STS: variants seen among roughly 807,000 people sequenced by gnomAD.
STS encodes the protein steroid sulfatase, also known as steryl-sulfatase.
In STS, 7 loss-of-function variants were observed where a neutral mutation model predicts 26.8. The observed-to-expected ratio is 0.26, with a 90% CI of 0.15 to 0.49. STS has a LOEUF of 0.49. Ranked by LOEUF, STS falls within the 20% of genes least tolerant of loss-of-function variation. STS has a pLI of 0.98. For missense variants in STS, 434 were observed against 465.6 expected (o/e 0.93, Z 0.63); for synonymous variants, 199 against 189.4 (o/e 1.05, Z -0.42).
At chrX:7,310,224 C>T (rs1362662460) in intron 8 of STS, among the ~76,000 whole-genome samples, 1 of 112,100 alleles carries the variant, frequency 8.9e-6, no homozygotes, top group African/African-American at 3.2e-5. Flanking sequence ...CCCTTTGTAG[C>T]TGTTAAATGT....
intron 2 of STS, among the ~76,000 whole-genome samples, chrX:7,224,758 A>G (rs1277625749): frequency 8.9e-6 from 1 of 112,495 alleles, no homozygotes; most frequent in African/African-American, 3.2e-5. Flanking sequence ...GACAATCTGT[A>G]AAATAAGGGT....
chrX:7,229,031 C>T lies in STS; in HGVS notation c.-4-24165C>T, dbSNP rs774437400. On this transcript the variant is annotated intron_variant, in intron 2 of 10. Coordinates refer to ENST00000674429, the MANE Select transcript of STS (RefSeq NM_001320752.2). ...TAACACATGCTGTTTGCCTTTCCTG[C>T]TAGATTCTTTTATGGATTTCCTATG... Among the ~76,000 whole-genome samples, 22 of 112,287 alleles carry T rather than the reference C, an allele frequency of 2.0e-4. 1 individual carries two copies. The South Asian group carries it at 7.7e-3, about 39-fold the overall frequency.
intron 2 of STS, among the ~76,000 whole-genome samples, chrX:7,228,109 T>C (rs1450861709): frequency 8.9e-6 from 1 of 111,861 alleles, no homozygotes; most frequent in Non-Finnish European, 1.9e-5. Context: ...TTTTTTGTTT[T>C]TAATCCATTC....
intron 10 of STS, among the ~76,000 whole-genome samples, chrX:7,348,947 TTTTA>T (rs1362694410): frequency 2.7e-5 from 3 of 111,143 alleles, no homozygotes; most frequent in African/African-American, 9.8e-5. Flanking sequence ...TTTAATTCTT[TTTTA>T]TTTTTGTTTA....
In STS at chrX:7,349,894, C is replaced by G. The variant is rs1441291838; in HGVS notation, c.1370C>G (p.Ser457Cys). ...CCATCCTTTTAAACCACAGGCACATCCATCTGGAAGGCCTTTTTCTTCACC... is the reference window on the plus strand; with the variant it reads ...CCATCCTTTTAAACCACAGGCACATGCATCTGGAAGGCCTTTTTCTTCACC... The part of the protein sequence containing the change: ...AVRWHPQNST[S>C]IWKAFFFTPN... The change falls in exon 11 of 11, where the codon TCC (serine) becomes TGC (cysteine). Residue 457 changes from serine to cysteine, a missense_variant. Ser to Cys is a moderately radical substitution (Grantham distance 112, BLOSUM62 -1). Transcript: ENST00000674429. 8.3e-7 allele frequency: 1 copy of G among 1,210,125 alleles called. No homozygotes were observed. The highest frequency in any genetic ancestry group is 1.1e-6 in the Non-Finnish European group (1 of 895,235).
At position 7,153,564 on chromosome X, in the gene STS, C is replaced by T. The variant is rs184031079; in HGVS notation, c.-134+5481C>T. Reference sequence around the variant, plus strand: ...CTTCTCTCTTTTCCTGTCTTCCTTCCTGTCCTCCTCCGTGACTCCCTCACT... The same window carrying T: ...CTTCTCTCTTTTCCTGTCTTCCTTCTTGTCCTCCTCCGTGACTCCCTCACT... On this transcript the variant is annotated intron_variant, in intron 1 of 10. Coordinates refer to ENST00000674429, the MANE Select transcript of STS (RefSeq NM_001320752.2). Among the ~76,000 whole-genome samples the T allele has an allele frequency of 3.2e-3, 323 of 101,556 alleles. 1 individual carries two copies. The highest frequency in any genetic ancestry group is 5.5e-3 in the Non-Finnish European group (275 of 49,834). The allele number at this position is 101,556 out of a possible 115,157, so 88.2% of individuals were successfully genotyped here.
In STS at chrX:7,350,343, A is replaced by G; in HGVS notation, c.*82A>G. 9.0e-7 allele frequency: 1 copy of G among 1,110,698 alleles called. No individual in the cohort carries two copies. Among genetic ancestry groups the G allele is most frequent in the Non-Finnish European group, 1.2e-6 (1 of 831,372 alleles). 91.5% of individuals were successfully genotyped at this position (1,110,698 alleles called of 1,213,427 possible). A position where few individuals can be genotyped will look rare whatever the true frequency, so the allele number is the denominator to read the frequency against. ...CACGCCTGAGAGTGGCACTGGGGAA[A>G]CATAACTCCATCTACACCTTGGATT... On this transcript the variant is annotated 3_prime_UTR_variant, in exon 11 of 11. Transcript: ENST00000674429.
At chrX:7,245,859 C>A (rs1385398838) in intron 2 of STS, among the ~76,000 whole-genome samples, 1 of 112,120 alleles carries the variant, frequency 8.9e-6, no homozygotes, top group African/African-American at 3.2e-5. Flanking sequence ...CTGCCCTCCT[C>A]TCATTCTTCA....
At chrX:7,192,991 A>G (rs770223272) in intron 2 of STS, among the ~76,000 whole-genome samples, 5 of 112,647 alleles carry the variant, frequency 4.4e-5, no homozygotes, top group Non-Finnish European at 7.5e-5. Flanking sequence ...TCTTCCTAGA[A>G]TAGTCAATGG....
chrX:7,327,559 A>G (rs1266383394), intron 9 of STS, among the ~76,000 whole-genome samples: 1 of 108,880 alleles, frequency 9.2e-6, no homozygotes, highest in Non-Finnish European at 1.9e-5. Context: ...AATTTTTTGT[A>G]TTTTTGGTAG....
At chrX:7,279,673 G>T (rs1924761658) in intron 7 of STS, among the ~76,000 whole-genome samples, 1 of 109,457 alleles carries the variant, frequency 9.1e-6, no homozygotes, top group Admixed American at 9.9e-5. Flanking sequence ...ACAGGGAGGG[G>T]AAGGGAAAAA....
intron 7 of STS, among the ~76,000 whole-genome samples, chrX:7,299,462 CATAT>C (rs1259684018): frequency 9.2e-4 from 94 of 102,224 alleles, no homozygotes; most frequent in African/African-American, 3.2e-3. Context: ...TAATATAAAA[CATAT>C]ATACATATAT....
Position 7,354,589 on chromosome X carries a change from T to A in STS, c.*4328T>A, listed in dbSNP as rs1396625779. 1 of 111,985 alleles carries A rather than the reference T, an allele frequency of 8.9e-6. No homozygotes were observed. The highest frequency in any genetic ancestry group is 1.9e-5 in the Non-Finnish European group (1 of 53,275). The allele number at this position is 111,985 out of a possible 1,213,427, so 9.2% of individuals were successfully genotyped here. Reference sequence around the variant, plus strand: ...AGATATCACTCAAGCCAGTGTTGCTTAATACCATCTCTTTGTGTAATAGAT... The same window carrying A: ...AGATATCACTCAAGCCAGTGTTGCTAAATACCATCTCTTTGTGTAATAGAT... On this transcript the variant is annotated 3_prime_UTR_variant, in exon 11 of 11. Transcript: ENST00000674429.
intron 2 of STS, among the ~76,000 whole-genome samples, chrX:7,204,161 C>G (rs1214874723): frequency 1.8e-5 from 2 of 111,220 alleles, no homozygotes; most frequent in Non-Finnish European, 3.8e-5. Flanking sequence ...TAAAATTATA[C>G]CATAAGGTTT....
At chrX:7,316,163 C>T (rs1926704811) in intron 8 of STS, among the ~76,000 whole-genome samples, 1 of 111,697 alleles carries the variant, frequency 9.0e-6, no homozygotes, top group Non-Finnish European at 1.9e-5. Flanking sequence ...TTTAGTTTTT[C>T]ATTCTTGCAG....
At chrX:7,344,473 G>A (rs904090518) in intron 10 of STS, among the ~76,000 whole-genome samples, 1 of 111,191 alleles carries the variant, frequency 9.0e-6, no homozygotes, top group Non-Finnish European at 1.9e-5. Context: ...GGAGGAGAAG[G>A]TTCTGCCATC....
chrX:7,321,820 C>T (rs1927046340), intron 8 of STS, among the ~76,000 whole-genome samples: 1 of 112,280 alleles, frequency 8.9e-6, no homozygotes, highest in Non-Finnish European at 1.9e-5. Context: ...ACGGCTACTT[C>T]AGTGCCCCTT....
chrX:7,210,422 T>C (rs1196962053), intron 2 of STS, among the ~76,000 whole-genome samples: 2 of 108,874 alleles, frequency 1.8e-5, no homozygotes, highest in African/African-American at 3.3e-5. Flanking sequence ...CACGTATTCA[T>C]AGAAATATAA....
intron 9 of STS, among the ~76,000 whole-genome samples, chrX:7,330,371 T>C (rs1927690114): frequency 8.9e-6 from 1 of 112,040 alleles, no homozygotes; most frequent in South Asian, 3.8e-4. Context: ...CAAGCCATAG[T>C]TGGTTACACC....
Sources: gnomAD v4.1 joint callset for allele counts (sites outside exome capture counted in the v4.1 genomes callset) on GRCh38, gnomAD v4.1.1 for gene constraint, MANE v1.5 for transcripts, NCBI Gene and HGNC (gene_info 2026-07-23, HGNC 2026-07-21) for gene names.